The following GPBP1L1 variants were observed in gnomAD, a reference collection of about 807,000 sequenced individuals.
The protein encoded by GPBP1L1 is GC-rich promoter binding protein 1 like 1.
A neutral mutation model predicts 52.5 loss-of-function variants in GPBP1L1; 23 were observed. The observed-to-expected ratio is 0.44, with a 90% CI of 0.32 to 0.62. The LOEUF is 0.62. Among genes scored for constraint, GPBP1L1 ranks in the 20% least tolerant of loss-of-function variants. The pLI is 0.06. For missense variants in GPBP1L1, 596 were observed against 579.3 expected (o/e 1.03, Z -0.30); for synonymous variants, 243 against 203.1 (o/e 1.20, Z -1.67).
intron 1 of GPBP1L1, among the ~76,000 whole-genome samples, chr1:45,685,939 G>C (rs946382005): frequency 2.0e-5 from 3 of 152,046 alleles, no homozygotes; most frequent in African/African-American, 7.3e-5. Context: ...GGAAAGCTGG[G>C]GGTTAAAACT....
Position 45,640,368 on chromosome 1 carries a change from G to C in GPBP1L1, c.586C>G (p.Leu196Val), listed in dbSNP as rs1371721626. Residue 196 changes from leucine to valine, a missense_variant, in exon 8 of 13, where the codon CTA becomes GTA. Physicochemically the swap from Leu to Val is conservative, Grantham distance 32 (BLOSUM62 1). Coordinates refer to ENST00000355105, the MANE Select transcript of GPBP1L1 (RefSeq NM_021639.5). ...PPSAKQPSKM[L>V]VIKKVSKEDP... ...TCTTTGGAAACTTTTTTGATAACTA[G>C]CATCTTGGAGGGTTGCTTGGCACTA... 2.5e-6 allele frequency: 4 copies of C among 1,613,984 alleles called. No homozygotes were observed. The African/African-American group carries it at 4.0e-5, about 16-fold the overall frequency.
chr1:45,638,908 C>G (rs1294688524), intron 8 of GPBP1L1, among the ~76,000 whole-genome samples: 1 of 152,182 alleles, frequency 6.6e-6, no homozygotes, highest in African/African-American at 2.4e-5. Context: ...TAGAGTTTGG[C>G]TATGAGAAAC....
upstream of GPBP1L1, chr1:45,687,925 C>T (rs4518946): frequency 6.6e-6 from 1 of 152,248 alleles, no homozygotes; most frequent in Non-Finnish European, 1.5e-5. Context: ...AATCCCGTCT[C>T]TTACCTTCCT....
intron 6 of GPBP1L1, chr1:45,645,992 GT>G: frequency 2.0e-6 from 1 of 507,946 alleles, no homozygotes; most frequent in Non-Finnish European, 3.9e-6. Flanking sequence ...CTCTACACTT[GT>G]TTAGCCTGCC....
intron 3 of GPBP1L1, among the ~76,000 whole-genome samples, 151 bp from the exon 4 acceptor site, chr1:45,659,293 G>T (rs12063380): frequency 0.012 from 1,782 of 152,284 alleles, 26 homozygotes; most frequent in African/African-American, 0.037. Context: ...ATAACTCAGA[G>T]AAGTTCTAAA....
At chr1:45,658,798 G>A (rs1406453975) in intron 4 of GPBP1L1, 5 of 480,250 alleles carry the variant, frequency 1.0e-5, no homozygotes, top group Non-Finnish European at 1.8e-5. Flanking sequence ...AAAATTAGCA[G>A]GGCGTGGTGG....
intron 3 of GPBP1L1, 46 bp from the exon 4 acceptor site, chr1:45,659,188 T>G: frequency 9.1e-7 from 1 of 1,093,600 alleles, no homozygotes. Flanking sequence ...AAGAATCTGA[T>G]ACCAATGTGT....
rs575945282 is a variant in GPBP1L1, at chr1:45,674,517, C to A, written c.-1098+11059G>T. Among the ~76,000 whole-genome samples, 3 of 152,194 alleles carry A rather than the reference C, an allele frequency of 2.0e-5. No homozygotes were observed. The South Asian group carries it at 6.2e-4, about 32-fold the overall frequency. On this transcript the variant is annotated intron_variant, in intron 2 of 12. Coordinates refer to ENST00000355105, the MANE Select transcript of GPBP1L1 (RefSeq NM_021639.5). ...ATTACAGATGGTCCCTAACTTAGGA[C>A]GATAGTTCAATTTAAGATTGTTCAA...
Position 45,628,026 on chromosome 1 carries a change from G to A in GPBP1L1, c.*230C>T, listed in dbSNP as rs775895943. On this transcript the variant is annotated 3_prime_UTR_variant, in exon 13 of 13. Transcript: ENST00000355105. The stretch of plus-strand genomic sequence containing the variant: ...TGTGTATGTGTGTGTGTGTGTGAGT[G>A]TGTTTAAAAAATCTGTCCCACCACA... 1.4e-4 allele frequency: 69 copies of A among 487,726 alleles called. No homozygotes were observed. Among genetic ancestry groups the A allele is most frequent in the Non-Finnish European group, 9.7e-5 (26 of 267,658 alleles). 30.2% of individuals were successfully genotyped at this position (487,726 alleles called of 1,614,324 possible). A position where few individuals can be genotyped will look rare whatever the true frequency, so the allele number is the denominator to read the frequency against.
chr1:45,666,384 G>A (rs2148494316), intron 2 of GPBP1L1, among the ~76,000 whole-genome samples: 1 of 152,244 alleles, frequency 6.6e-6, no homozygotes, highest in African/African-American at 2.4e-5. Flanking sequence ...GACCTCAGGT[G>A]ATCCGCCCGC....
chr1:45,630,469 C>CCTCCTCA lies in GPBP1L1; in HGVS notation c.1169+6_1169+12dup. Reference sequence around the variant, plus strand: ...TCAGACACTGCATGCCCTGTGATGTCCTCCTCACTTACCTGTGCTCTGCTT... The same window carrying CCTCCTCA: ...TCAGACACTGCATGCCCTGTGATGTCCTCCTCACTCCTCACTTACCTGTGCTCTGCTT... On this transcript the variant is annotated intron_variant, in intron 11 of 12. Coordinates refer to ENST00000355105, the MANE Select transcript of GPBP1L1 (RefSeq NM_021639.5). 6.2e-7 allele frequency: 1 copy of CCTCCTCA among 1,613,390 alleles called. No homozygotes were observed. The highest frequency in any genetic ancestry group is 8.5e-7 in the Non-Finnish European group (1 of 1,179,566).
chr1:45,640,467 T>G (rs1453751944), intron 7 of GPBP1L1, 64 bp from the exon 8 acceptor site: 1 of 1,372,516 alleles, frequency 7.3e-7, no homozygotes, highest in African/African-American at 1.4e-5. Flanking sequence ...TGAAGCATAG[T>G]TTATACAAAG....
intron 10 of GPBP1L1, 172 bp from the exon 11 acceptor site, chr1:45,630,778 A>C (rs1364213393): frequency 3.2e-6 from 2 of 622,258 alleles, no homozygotes; most frequent in Non-Finnish European, 5.5e-6. Context: ...AACAAAACTG[A>C]TTCTAAAGTT....
Position 45,640,256 on chromosome 1 carries a change from C to A in GPBP1L1, c.698G>T (p.Ser233Ile), listed in dbSNP as rs143296099. 6.2e-7 allele frequency: 1 copy of A among 1,614,156 alleles called. No individual in the cohort carries two copies. Among genetic ancestry groups the A allele is most frequent in the East Asian group, 2.2e-5 (1 of 44,878 alleles). Residue 233 changes from serine (S) to isoleucine (I), a missense_variant, in exon 8 of 13, where the codon AGT becomes ATT. Physicochemically the swap from Ser to Ile is moderately radical, Grantham distance 142. Transcript: ENST00000355105. ...CTTAGGAACCAGGTTCTTATAGACA[C>A]TTGGAACCACGGATGACAATTTGTT... is the stretch of plus-strand genomic sequence containing the variant. Reference protein sequence around the residue: ...NGNKLSSVVPSVYKNLVPKPV... With the variant: ...NGNKLSSVVPIVYKNLVPKPV...
intron 2 of GPBP1L1, among the ~76,000 whole-genome samples, chr1:45,675,221 C>T (rs1645124876): frequency 6.6e-6 from 1 of 151,930 alleles, no homozygotes. Flanking sequence ...CGCTTGAACC[C>T]AGGAGGCGGA....
upstream of GPBP1L1, chr1:45,687,052 C>T (rs1330443445): frequency 6.6e-6 from 1 of 152,326 alleles, no homozygotes; most frequent in African/African-American, 2.4e-5. Flanking sequence ...CCTTTCCCAC[C>T]TTCCGCTCCT....
intron 2 of GPBP1L1, among the ~76,000 whole-genome samples, chr1:45,667,206 A>G (rs954720274): frequency 6.6e-6 from 1 of 152,224 alleles, no homozygotes; most frequent in African/African-American, 2.4e-5. Context: ...GTATTTTCCC[A>G]TAACTAAAAA....
At chr1:45,676,330 G>A (rs1268501641) in intron 2 of GPBP1L1, among the ~76,000 whole-genome samples, 1 of 152,116 alleles carries the variant, frequency 6.6e-6, no homozygotes, top group Non-Finnish European at 1.5e-5. Context: ...GCTGAGCACA[G>A]TGGCTCATGC....
chr1:45,636,849 C>A (rs1398145337), intron 8 of GPBP1L1, among the ~76,000 whole-genome samples: 4 of 152,176 alleles, frequency 2.6e-5, no homozygotes, highest in African/African-American at 9.7e-5. Flanking sequence ...ATTCTTCATC[C>A]TTCAAGACAG....
Sources: gnomAD v4.1 joint callset for allele counts (sites outside exome capture counted in the v4.1 genomes callset) on GRCh38, gnomAD v4.1.1 for gene constraint, MANE v1.5 for transcripts, NCBI Gene and HGNC (gene_info 2026-07-23, HGNC 2026-07-21) for gene names.